The following PDE4B variants were observed in gnomAD, a reference collection of about 807,000 sequenced individuals.
PDE4B encodes 3',5'-cyclic-AMP phosphodiesterase 4B.
In PDE4B, 20 loss-of-function variants were observed where a neutral mutation model predicts 82.2. The observed-to-expected ratio is 0.24, with a 90% confidence interval of 0.17 to 0.35. The LOEUF is 0.35. PDE4B is among the 10% of genes least tolerant of loss of function. The pLI, the probability that PDE4B is intolerant of heterozygous loss-of-function variation, is 1.00. For synonymous variants in PDE4B, 320 were observed against 318.9 expected (o/e 1.00, Z -0.04); for missense variants, 655 against 907.2 (o/e 0.72, Z 3.57).
chr1:65,948,872 A>G (rs962254835), intron 3 of PDE4B, among the ~76,000 whole-genome samples: 1 of 152,114 alleles, frequency 6.6e-6, no homozygotes, highest in Non-Finnish European at 1.5e-5. Flanking sequence ...AAAGCTGAGC[A>G]TGGAAATAAG....
At chr1:65,861,659 A>G (rs1010890505) in intron 1 of PDE4B, among the ~76,000 whole-genome samples, 5 of 152,092 alleles carry the variant, frequency 3.3e-5, no homozygotes, top group African/African-American at 1.2e-4. Flanking sequence ...TTTTCATGAT[A>G]TTGATTTTTC....
intron 8 of PDE4B, among the ~76,000 whole-genome samples, chr1:66,348,075 A>C (rs1480562599): frequency 1.3e-5 from 2 of 152,206 alleles, no homozygotes; most frequent in African/African-American, 4.8e-5. Flanking sequence ...ATCCACAGTA[A>C]GTGTTCTGAT....
chr1:66,180,207 T>C (rs1647031373), intron 3 of PDE4B, among the ~76,000 whole-genome samples: 1 of 152,108 alleles, frequency 6.6e-6, no homozygotes, highest in African/African-American at 2.4e-5. Context: ...AAAGTATTTA[T>C]TAAGAGGAAT....
At chr1:65,811,854 C>T (rs1414605933) in intron 1 of PDE4B, among the ~76,000 whole-genome samples, 2 of 151,718 alleles carry the variant, frequency 1.3e-5, no homozygotes, top group Non-Finnish European at 2.9e-5. Flanking sequence ...TTCTTGTCTG[C>T]CTAAGACAAC....
At chr1:65,848,819 G>A (rs531559474) in intron 1 of PDE4B, among the ~76,000 whole-genome samples, 20 of 152,184 alleles carry the variant, frequency 1.3e-4, no homozygotes, top group African/African-American at 4.1e-4. Context: ...CCAGTTGCCA[G>A]CTATTATGAA....
chr1:66,009,737 A>G (rs1258198792), intron 3 of PDE4B, among the ~76,000 whole-genome samples: 2 of 152,036 alleles, frequency 1.3e-5, no homozygotes, highest in African/African-American at 2.4e-5. Flanking sequence ...GAATTCATCT[A>G]ATTGGAGAAG....
At chr1:66,123,599 C>T (rs1236332746) in intron 3 of PDE4B, among the ~76,000 whole-genome samples, 8 of 147,600 alleles carry the variant, frequency 5.4e-5, no homozygotes, top group Non-Finnish European at 1.5e-5. Flanking sequence ...TTTTTAAAGG[C>T]TTTAATGTTA....
chr1:66,229,582 C>G (rs111429958), intron 3 of PDE4B, among the ~76,000 whole-genome samples: 28 of 152,338 alleles, frequency 1.8e-4, no homozygotes, highest in Middle Eastern at 3.4e-3. Flanking sequence ...AATCCCTACT[C>G]CACACCTCAG....
intron 3 of PDE4B, among the ~76,000 whole-genome samples, chr1:66,205,017 T>C (rs555004184): frequency 6.6e-6 from 1 of 152,374 alleles, no homozygotes; most frequent in South Asian, 2.1e-4. Flanking sequence ...TTAAGTATTT[T>C]GGTAGTTCAG....
intron 3 of PDE4B, among the ~76,000 whole-genome samples, chr1:66,039,201 T>C (rs976917690): frequency 1.3e-5 from 2 of 152,126 alleles, no homozygotes; most frequent in Admixed American, 1.3e-4. Context: ...AATTAGATAT[T>C]GTTATTGATT....
At chr1:66,302,553 C>T (rs1657971702) in intron 7 of PDE4B, among the ~76,000 whole-genome samples, 1 of 152,262 alleles carries the variant, frequency 6.6e-6, no homozygotes, top group Non-Finnish European at 1.5e-5. Context: ...TTAGAGGTTA[C>T]AAAGCACTTT....
At chr1:66,013,654 A>G (rs1183024557) in intron 3 of PDE4B, among the ~76,000 whole-genome samples, 1 of 151,934 alleles carries the variant, frequency 6.6e-6, no homozygotes, top group Non-Finnish European at 1.5e-5. Context: ...TCTTCCCTCT[A>G]AGCTCTCAGA....
At chr1:66,138,268 CA>C (rs1414815900) in intron 3 of PDE4B, among the ~76,000 whole-genome samples, 1 of 152,146 alleles carries the variant, frequency 6.6e-6, no homozygotes, top group Non-Finnish European at 1.5e-5. Context: ...CCTGTAATCC[CA>C]ACACTTTGGG....
intron 3 of PDE4B, among the ~76,000 whole-genome samples, chr1:66,068,944 G>A (rs1220966665): frequency 1.3e-5 from 2 of 151,952 alleles, no homozygotes; most frequent in Non-Finnish European, 2.9e-5. Flanking sequence ...ACTTCGAATT[G>A]AATTTTTTGT....
At chr1:66,270,841 A>C (rs1418893718) in intron 7 of PDE4B, among the ~76,000 whole-genome samples, 4 of 152,266 alleles carry the variant, frequency 2.6e-5, no homozygotes, top group African/African-American at 9.6e-5. Context: ...CAGAAATATC[A>C]AACTATGTTT....
Position 65,891,482 on chromosome 1 carries a change from T to C in PDE4B, c.-70-21763T>C, listed in dbSNP as rs1646852793. Among the ~76,000 whole-genome samples the C allele has an allele frequency of 2.0e-5, 3 of 152,074 alleles. No individual in the cohort carries two copies. The South Asian group carries it at 6.2e-4, about 31-fold the overall frequency. Reference sequence around the variant, plus strand: ...TATATAACTATACTGTATAAATCTTTAGGATCTCATTGGTGTATCATCTTG... The same window carrying C: ...TATATAACTATACTGTATAAATCTTCAGGATCTCATTGGTGTATCATCTTG... On this transcript the variant is annotated intron_variant, in intron 1 of 16. Transcript: ENST00000341517.
intron 3 of PDE4B, among the ~76,000 whole-genome samples, chr1:66,154,994 A>G (rs527988028): frequency 3.0e-4 from 45 of 152,238 alleles, no homozygotes; most frequent in African/African-American, 8.9e-4. Flanking sequence ...CCTGAGCAAC[A>G]TAGTGACACC....
At chr1:66,364,737 T>C (rs1663101168) in intron 12 of PDE4B, among the ~76,000 whole-genome samples, 1 of 152,200 alleles carries the variant, frequency 6.6e-6, no homozygotes, top group African/African-American at 2.4e-5. Context: ...TGTGTAAGTA[T>C]CATAGAGTGA....
intron 3 of PDE4B, among the ~76,000 whole-genome samples, chr1:66,156,300 A>G (rs576922249): frequency 6.6e-6 from 1 of 152,166 alleles, no homozygotes; most frequent in Non-Finnish European, 1.5e-5. Context: ...AGCAACTCTT[A>G]TAAGTTGCAC....
Sources: allele counts gnomAD v4.1 joint callset (sites outside exome capture counted in the v4.1 genomes callset), GRCh38; gene constraint gnomAD v4.1.1; transcripts MANE v1.5; gene names NCBI Gene and HGNC (gene_info 2026-07-23, HGNC 2026-07-21).